ZNF142: variants seen among roughly 807,000 people sequenced by gnomAD.
ZNF142 encodes the protein zinc finger protein 142 (clone pHZ-49).
ZNF142 carries 96 observed loss-of-function variants against 132.1 expected under a neutral mutation model. The ratio of observed to expected loss-of-function variants is 0.73; its 90% CI spans 0.62 to 0.86. ZNF142 has a LOEUF of 0.86. Among genes scored for constraint, ZNF142 ranks in the 40% least tolerant of loss-of-function variants. The pLI is 0.00. For synonymous variants in ZNF142, 842 were observed against 890.1 expected (o/e 0.95, Z 0.96); for missense variants, 2,163 against 2,336.2 (o/e 0.93, Z 1.53).
intron 4 of ZNF142, among the ~76,000 whole-genome samples, chr2:218,654,494 G>A (rs2106269981): frequency 6.6e-6 from 1 of 151,970 alleles, no homozygotes; most frequent in Non-Finnish European, 1.5e-5. Context: ...AGCCTCCTGA[G>A]TAGCTGGGAT....
rs201208060 is a variant in ZNF142, at chr2:218,635,870, G to A, written c.*2469C>T. 6.8e-5 allele frequency: 109 copies of A among 1,614,002 alleles called. 2 individuals carry two copies. The East Asian group carries it at 1.1e-3, about 16-fold the overall frequency. On this transcript the variant is annotated 3_prime_UTR_variant, in exon 11 of 11. Coordinates refer to ENST00000411696, the MANE Select transcript of ZNF142 (RefSeq NM_001379659.1). ...CCATTGTGGATCCACTGGTGAAAGT[G>A]CAGATCTTTGGCGTTCGTCTAGACA... is the stretch of plus-strand genomic sequence containing the variant.
rs1048723315 is a variant in ZNF142 at position 218,637,372 on chromosome 2, T to C, written c.*967A>G. Reference sequence around the variant, plus strand: ...CAAAAGCAGACAAAAGGTTATGTGGTCCCAGCCTTCCTGAAGAGTCTGGCT... The same window carrying C: ...CAAAAGCAGACAAAAGGTTATGTGGCCCCAGCCTTCCTGAAGAGTCTGGCT... On this transcript the variant is annotated 3_prime_UTR_variant, in exon 11 of 11. Coordinates refer to ENST00000411696, the MANE Select transcript of ZNF142 (RefSeq NM_001379659.1). 6.6e-6 allele frequency among the ~76,000 whole-genome samples: 1 copy of C among 152,312 alleles called. No homozygotes were observed. The highest frequency in any genetic ancestry group is 2.1e-4 in the South Asian group (1 of 4,830).
chr2:218,645,311 A>C (rs1697641301), intron 8 of ZNF142, among the ~76,000 whole-genome samples: 1 of 152,208 alleles, frequency 6.6e-6, no homozygotes, highest in Non-Finnish European at 1.5e-5. Flanking sequence ...GAGACAGCCT[A>C]GCTTCAGGGC....
At chr2:218,654,398 G>A (rs933080772) in intron 4 of ZNF142, among the ~76,000 whole-genome samples, 6 of 143,474 alleles carry the variant, frequency 4.2e-5, no homozygotes, top group African/African-American at 1.3e-4. Flanking sequence ...ACAGAATCTC[G>A]CTTTGTTGTC....
Position 218,640,790 on chromosome 2 carries a change from A to G in ZNF142, c.5089-21T>C, listed in dbSNP as rs993288283. The stretch of plus-strand genomic sequence containing the variant: ...TGGTACTGGAAGAGGCAAGAGCAAA[A>G]AGCAGAAAATATAGTAAGTGCTCAA... On this transcript the variant is annotated intron_variant, in intron 9 of 10. Transcript: ENST00000411696. The G allele has an allele frequency of 1.3e-5, 21 of 1,602,418 alleles. No individual in the cohort carries two copies. In the African/African-American group the frequency reaches 2.8e-4, roughly 21 times the overall value.
rs749873636 is a variant in ZNF142 at position 218,649,308 on chromosome 2, G to A, written c.1200C>T (p.Phe400=). ...GGGTCTTGAGCTTGCTCTTACTGGT[G>A]AAGAACTTCTGGCAGTTAGGGCACT... is the stretch of plus-strand genomic sequence containing the variant. The part of the protein sequence containing the change: ...SLQCPNCQKF[F]TSKSKLKTHL... Residue 400 remains phenylalanine (F), a synonymous_variant, in exon 7 of 11, where the codon TTC becomes TTT. Transcript: ENST00000411696. 4 of 1,614,120 alleles carry A rather than the reference G, an allele frequency of 2.5e-6. No homozygotes were observed. The African/African-American group carries it at 4.0e-5, about 16-fold the overall frequency.
chr2:218,656,579 A>AT, intron 3 of ZNF142, 116 bp from the exon 4 acceptor site: 1 of 563,586 alleles, frequency 1.8e-6, no homozygotes, highest in Non-Finnish European at 2.8e-6. Flanking sequence ...GCATGGCAAT[A>AT]TGCCATATAT....
At chr2:218,645,602 G>A (rs773987380) in intron 8 of ZNF142, among the ~76,000 whole-genome samples, 15 of 152,136 alleles carry the variant, frequency 9.9e-5, no homozygotes, top group Non-Finnish European at 1.6e-4. Flanking sequence ...GAACTCAAGT[G>A]ACACCTTAGT....
chr2:218,649,129 T>C lies in ZNF142; in HGVS notation c.1379A>G (p.Glu460Gly). 1.2e-6 allele frequency: 2 copies of C among 1,614,170 alleles called. No homozygotes were observed. Among genetic ancestry groups the C allele is most frequent in the South Asian group, 2.2e-5 (2 of 91,092 alleles). The change falls in exon 7 of 11, where the codon GAG becomes GGG. Residue 460 changes from glutamate to glycine, a missense_variant. Glu to Gly is a moderately conservative substitution (Grantham distance 98). Around this residue, in one of 7 missense-constraint regions of ZNF142, gnomAD observed 749 missense variants for 830.3 expected, o/e 0.90. Transcript: ENST00000411696. ...SDTYACPVCREEFRLSQALKE... is the reference protein window; with the variant it reads ...SDTYACPVCRGEFRLSQALKE... The stretch of plus-strand genomic sequence containing the variant: ...TAGGGCCTGGCTGAGGCGGAATTCC[T>C]CACGGCAGACAGGACAGGCATAGGT...
intron 8 of ZNF142, 129 bp downstream of exon 8, chr2:218,646,042 T>G: frequency 3.9e-6 from 5 of 1,295,346 alleles, no homozygotes; most frequent in Non-Finnish European, 5.4e-6. Context: ...TGTGAGCCAT[T>G]GCACCCGGCC....
chr2:218,634,462 C>G lies in ZNF142; in HGVS notation c.*3877G>C. The G allele has an allele frequency of 6.2e-7, 1 of 1,611,156 alleles. No homozygotes were observed. The highest frequency in any genetic ancestry group is 8.5e-7 in the Non-Finnish European group (1 of 1,178,796). On this transcript the variant is annotated 3_prime_UTR_variant, in exon 11 of 11. Transcript: ENST00000411696. This position sits in a 1 kb window ranked among gnomAD's most constrained non-coding sequence, Gnocchi z 4.0. The stretch of plus-strand genomic sequence containing the variant: ...CTTTTCTCCTGGGGCCCTCAGTGGC[C>G]ATGAATATGCAGACTGCAGGGCTTG...
At chr2:218,646,400 A>C (rs1697736450) in intron 7 of ZNF142, 52 bp from the exon 8 acceptor site, 463 of 1,581,632 alleles carry the variant, frequency 2.9e-4, no homozygotes, top group Non-Finnish European at 3.7e-4. Flanking sequence ...GATACAGATC[A>C]AGTGGACAGA....
rs1405601702 is a variant in ZNF142 at position 218,659,380 on chromosome 2, G to C, written c.-373C>G. 1 of 152,194 alleles carries C rather than the reference G, an allele frequency of 6.6e-6. No individual in the cohort carries two copies. The highest frequency in any genetic ancestry group is 1.5e-5 in the Non-Finnish European group (1 of 68,076). 9.4% of individuals were successfully genotyped at this position (152,194 alleles called of 1,614,324 possible). ...AGCCGCTCACTCACCTCCAGACCCA[G>C]AGCCGGCGGGAGCCGCATCTCTATG... On this transcript the variant is annotated 5_prime_UTR_variant, in exon 1 of 11. Transcript: ENST00000411696. This position sits in a 1 kb window ranked among gnomAD's most constrained non-coding sequence, Gnocchi z 4.4.
At chr2:218,646,822 G>A in intron 7 of ZNF142, among the ~76,000 whole-genome samples, 1 of 152,070 alleles carries the variant, frequency 6.6e-6, no homozygotes, top group Admixed American at 6.6e-5. Flanking sequence ...CCTGACCTTA[G>A]GTGATCCGCC....
intron 9 of ZNF142, among the ~76,000 whole-genome samples, chr2:218,641,032 T>G (rs4674317): frequency 0.47 from 70,575 of 151,234 alleles, 19,654 homozygotes; most frequent in East Asian, 0.82. Context: ...CCTCCTGGGC[T>G]AAAGCGATCC....
At position 218,642,535 on chromosome 2, in the gene ZNF142, G is replaced by A; in HGVS notation, c.4581C>T (p.Pro1527=). 1 of 1,611,448 alleles carries A rather than the reference G, an allele frequency of 6.2e-7. No homozygotes were observed. The highest frequency in any genetic ancestry group is 8.5e-7 in the Non-Finnish European group (1 of 1,178,606). The part of the protein sequence containing the change: ...PGSPAETTEG[P]LHCSRCGLLC... ...GCAACCCACAGCGGGAACAGTGCAG[G>A]GGGCCCTCAGTGGTCTCTGCAGGAG... The change falls in exon 9 of 11, where the codon CCC becomes CCT. Residue 1527 remains proline, a synonymous_variant. Coordinates refer to ENST00000411696, the MANE Select transcript of ZNF142 (RefSeq NM_001379659.1). This position sits in a 1 kb window ranked among gnomAD's most constrained non-coding sequence, Gnocchi z 4.6.
Position 218,633,645 on chromosome 2 carries a change from T to C in ZNF142, c.*4694A>G. On this transcript the variant is annotated 3_prime_UTR_variant, in exon 11 of 11. Transcript: ENST00000411696. ...TTGTGTCCAGCCCTCTCTTCCCTGG[T>C]TATCTACTTGAAGTCTGTCTCATTC... 1 of 1,613,594 alleles carries C rather than the reference T, an allele frequency of 6.2e-7. No individual in the cohort carries two copies. The highest frequency in any genetic ancestry group is 8.5e-7 in the Non-Finnish European group (1 of 1,179,532).
chr2:218,636,487 C>G lies in ZNF142; in HGVS notation c.*1852G>C, dbSNP rs995419126. 1.9e-6 allele frequency: 3 copies of G among 1,614,050 alleles called. No homozygotes were observed. The highest frequency in any genetic ancestry group is 1.7e-6 in the Non-Finnish European group (2 of 1,179,900). On this transcript the variant is annotated 3_prime_UTR_variant, in exon 11 of 11. Transcript: ENST00000411696. ...CCCTTCCAGGTTACCGCCACATTCA[C>G]CTGCTGTCCAAAGATGGCATCAGCC...
In ZNF142 at chr2:218,634,374, G is replaced by A. The variant is rs1168483332; in HGVS notation, c.*3965C>T. ...ATTACCAGCAGGTACCGTGCACCCA[G>A]TACCTATCTTCTTAACTCCCTGAAA... On this transcript the variant is annotated 3_prime_UTR_variant, in exon 11 of 11. Transcript: ENST00000411696. This position sits in a 1 kb window ranked among gnomAD's most constrained non-coding sequence, Gnocchi z 4.0. 2.5e-6 allele frequency: 4 copies of A among 1,574,168 alleles called. No homozygotes were observed. The Admixed American group carries it at 7.1e-5, about 28-fold the overall frequency.
Sources: allele counts gnomAD v4.1 joint callset (sites outside exome capture counted in the v4.1 genomes callset), GRCh38; gene constraint gnomAD v4.1.1; regional missense constraint gnomAD v4.1.1; non-coding constraint Gnocchi (gnomAD v3.1); transcripts MANE v1.5; gene names NCBI Gene and HGNC (gene_info 2026-07-23, HGNC 2026-07-21).